THEM4: variants seen among roughly 807,000 people sequenced by gnomAD.
THEM4 encodes thioesterase superfamily member 4, also known as acyl-coenzyme A thioesterase THEM4.
In THEM4, 22 loss-of-function variants were observed where a neutral mutation model predicts 25.0. The ratio of observed to expected loss-of-function variants is 0.88; its 90% CI spans 0.63 to 1.26. THEM4 has a LOEUF of 1.26. THEM4 is among the 50% of genes most tolerant of loss of function. The pLI, the probability that THEM4 is intolerant of heterozygous loss-of-function variation, is 0.00. For synonymous variants in THEM4, 113 were observed against 105.6 expected (o/e 1.07, Z -0.43); for missense variants, 286 against 300.3 (o/e 0.95, Z 0.35).
chr1:151,888,313 C>T lies in THEM4; in HGVS notation c.517G>A (p.Gly173Arg), dbSNP rs1468223107. 2.5e-6 allele frequency: 4 copies of T among 1,613,338 alleles called. No individual in the cohort carries two copies. The change falls in exon 4 of 6, where the codon GGA becomes AGA. Residue 173 changes from glycine (G) to arginine (R), a missense_variant. Transcript: ENST00000368814. The stretch of plus-strand genomic sequence containing the variant: ...TTGAGATTGGCAGTCATGACGATTC[C>T]CCCAGCCATCATTGCACACATACCA... ...TVGMCAMMAG[G>R]IVMTANLNIN... is the part of the protein sequence containing the mutation.
At chr1:151,877,661 A>G (rs1376488693) in intron 4 of THEM4, among the ~76,000 whole-genome samples, 2 of 152,220 alleles carry the variant, frequency 1.3e-5, no homozygotes, top group Admixed American at 1.3e-4. Context: ...CAAATGTTCC[A>G]TATCTGAGCT....
chr1:151,877,006 G>A lies in THEM4; in HGVS notation c.677C>T (p.Ala226Val), dbSNP rs762280726. The A allele has an allele frequency of 1.5e-5, 24 of 1,603,820 alleles. No homozygotes were observed. The highest frequency in any genetic ancestry group is 9.4e-5 in the African/African-American group (7 of 74,216). Residue 226 changes from alanine (A) to valine (V), a missense_variant, in exon 5 of 6, where the codon GCG (alanine) becomes GTG (valine). Physicochemically the swap from Ala to Val is moderately conservative, Grantham distance 64 (BLOSUM62 0). Coordinates refer to ENST00000368814, the MANE Select transcript of THEM4 (RefSeq NM_053055.5). ...AGATAAGACCAGCTTCTTACTTGTC[G>A]CCTCTGAGTATAGGGTCTTCTCATC... ...SVDEKTLYSE[A>V]TSLFIKLNPA...
At chr1:151,896,709 A>G (rs1337311437) in intron 1 of THEM4, among the ~76,000 whole-genome samples, 3 of 152,158 alleles carry the variant, frequency 2.0e-5, no homozygotes, top group Non-Finnish European at 1.5e-5. Flanking sequence ...ATCTTTCCAT[A>G]ATATAAAAGA....
chr1:151,884,079 TAATAAATAAATA>T (rs146748985), intron 4 of THEM4, among the ~76,000 whole-genome samples: 262 of 144,294 alleles, frequency 1.8e-3, no homozygotes, highest in Admixed American at 2.8e-3. Flanking sequence ...TGTCTCAAAA[TAATAAATAAATA>T]AATAAATAAA....
intron 4 of THEM4, among the ~76,000 whole-genome samples, chr1:151,877,903 G>T (rs992306673): frequency 6.6e-6 from 1 of 152,092 alleles, no homozygotes; most frequent in Non-Finnish European, 1.5e-5. Flanking sequence ...GGTAGAGCAC[G>T]GAAACGTGTT....
In THEM4 at chr1:151,908,519, G is replaced by A. The variant is rs541836547; in HGVS notation, c.99+841C>T. The stretch of plus-strand genomic sequence containing the variant: ...CCACCTTGGATTTTCCTTTCTCTGA[G>A]CCTTTAAGTAAAGTTTGAAAGCCAG... On this transcript the variant is annotated intron_variant, in intron 1 of 5. Coordinates refer to ENST00000368814, the MANE Select transcript of THEM4 (RefSeq NM_053055.5). Among the ~76,000 whole-genome samples, 334 of 152,276 alleles carry A rather than the reference G, an allele frequency of 2.2e-3. 3 individuals carry two copies. The highest frequency in any genetic ancestry group is 3.6e-3 in the Non-Finnish European group (245 of 68,034).
intron 5 of THEM4, 56 bp from the exon 6 acceptor site, chr1:151,874,984 G>T: frequency 7.6e-7 from 1 of 1,316,536 alleles, no homozygotes; most frequent in Non-Finnish European, 1.1e-6. Context: ...CAATTTGATG[G>T]ACTACTCTAA....
At chr1:151,902,717 G>C (rs1654376593) in intron 1 of THEM4, among the ~76,000 whole-genome samples, 1 of 152,160 alleles carries the variant, frequency 6.6e-6, no homozygotes, top group African/African-American at 2.4e-5. Context: ...GCTGAGGCGT[G>C]GTGGCACACC....
intron 1 of THEM4, among the ~76,000 whole-genome samples, chr1:151,904,918 T>G (rs1187205972): frequency 1.3e-5 from 2 of 152,190 alleles, no homozygotes; most frequent in Non-Finnish European, 1.5e-5. Flanking sequence ...GGGTTGAATT[T>G]GTTACTCCAG....
chr1:151,876,284 G>C (rs551435052), intron 5 of THEM4, among the ~76,000 whole-genome samples: 10 of 152,242 alleles, frequency 6.6e-5, no homozygotes, highest in African/African-American at 2.4e-4. Context: ...TTGATGGATA[G>C]CTATGTTTGC....
intron 1 of THEM4, among the ~76,000 whole-genome samples, chr1:151,901,974 A>C (rs1654362870): frequency 6.6e-6 from 1 of 152,228 alleles, no homozygotes; most frequent in Non-Finnish European, 1.5e-5. Context: ...AGCCTATCAA[A>C]ACCTCTGGGA....
chr1:151,899,810 T>C (rs1028786134), intron 1 of THEM4, among the ~76,000 whole-genome samples: 1 of 152,148 alleles, frequency 6.6e-6, no homozygotes, highest in African/African-American at 2.4e-5. Flanking sequence ...AAAGAGCACC[T>C]GGGAAATTCA....
intron 4 of THEM4, among the ~76,000 whole-genome samples, chr1:151,886,690 T>C (rs6690449): frequency 0.28 from 41,931 of 152,012 alleles, 6,178 homozygotes; most frequent in South Asian, 0.53. Context: ...TAAAAGGAGG[T>C]ACAATGACAA....
chr1:151,887,404 T>C (rs1237196158), intron 4 of THEM4, among the ~76,000 whole-genome samples: 1 of 151,842 alleles, frequency 6.6e-6, no homozygotes, highest in Admixed American at 6.6e-5. Context: ...CACTCCAGCC[T>C]GAGCAATAAA....
Position 151,873,353 on chromosome 1 carries a change from C to T in THEM4, c.*1535G>A, listed in dbSNP as rs752217964. On this transcript the variant is annotated 3_prime_UTR_variant, in exon 6 of 6. Transcript: ENST00000368814. Reference sequence around the variant, plus strand: ...GAGAGAGCTGAGACTGGGGCCGGTGCGGGTCCTCTGTATGCTGAGCACCGG... The same window carrying T: ...GAGAGAGCTGAGACTGGGGCCGGTGTGGGTCCTCTGTATGCTGAGCACCGG... 5.7e-4 allele frequency among the ~76,000 whole-genome samples: 86 copies of T among 152,210 alleles called. No homozygotes were observed. Among genetic ancestry groups the T allele is most frequent in the Non-Finnish European group, 1.1e-3 (75 of 68,006 alleles).
At chr1:151,879,870 A>ATGG (rs1034451464) in intron 4 of THEM4, among the ~76,000 whole-genome samples, 25 of 151,820 alleles carry the variant, frequency 1.6e-4, no homozygotes, top group African/African-American at 6.0e-4. Context: ...GTTAGCCAGG[A>ATGG]TGGTCTCAAT....
intron 4 of THEM4, among the ~76,000 whole-genome samples, chr1:151,882,286 G>C (rs1295683612): frequency 3.3e-5 from 5 of 149,336 alleles, no homozygotes; most frequent in Non-Finnish European, 5.9e-5. Flanking sequence ...TGAGGCAGGA[G>C]AATCGCTTGA....
intron 2 of THEM4, chr1:151,890,327 G>T: frequency 3.1e-6 from 1 of 326,394 alleles, no homozygotes; most frequent in Non-Finnish European, 6.5e-6. Flanking sequence ...GCAAGTTGGG[G>T]GAACTGGATT....
chr1:151,908,463 G>A (rs1475930210), intron 1 of THEM4, among the ~76,000 whole-genome samples: 2 of 152,034 alleles, frequency 1.3e-5, no homozygotes, highest in East Asian at 3.9e-4. Context: ...ATGCCCTTTC[G>A]CTATTTGTCG....
Sources: gnomAD v4.1 joint callset for allele counts (sites outside exome capture counted in the v4.1 genomes callset) on GRCh38, gnomAD v4.1.1 for gene constraint, MANE v1.5 for transcripts, NCBI Gene and HGNC (gene_info 2026-07-23, HGNC 2026-07-21) for gene names.